Variants in MARCHF8 observed in about 807,000 individuals in gnomAD.
The protein encoded by MARCHF8 is E3 ubiquitin-protein ligase MARCHF8.
A neutral mutation model predicts 51.6 loss-of-function variants in MARCHF8; 40 were observed. The observed-to-expected ratio is 0.77, with a 90% confidence interval of 0.60 to 1.01. The LOEUF (loss-of-function observed/expected upper bound fraction) is 1.01, where lower values mean the gene tolerates loss of function less well. MARCHF8 is among the 50% of genes least tolerant of loss of function. The pLI, the probability that MARCHF8 is intolerant of heterozygous loss-of-function variation, is 0.00. For missense variants in MARCHF8, 685 were observed against 708.6 expected, an observed-to-expected ratio of 0.97 and a Z score of 0.38; for synonymous variants, 263 against 280.3, an observed-to-expected ratio of 0.94 and a Z score of 0.62.
intron 2 of MARCHF8, among the ~76,000 whole-genome samples, chr10:45,525,849 CT>C (rs1459923757): frequency 6.6e-6 from 1 of 152,140 alleles, no homozygotes; most frequent in Non-Finnish European, 1.5e-5. Flanking sequence ...GATCAGTATT[CT>C]TCAAAACTGT....
chr10:45,475,662 A>T (rs1387980596), intron 3 of MARCHF8, among the ~76,000 whole-genome samples: 1 of 152,048 alleles, frequency 6.6e-6, no homozygotes, highest in Non-Finnish European at 1.5e-5. Context: ...TGCTGCTGCC[A>T]TCACCCATAT....
chr10:45,493,373 C>A (rs10793618), intron 2 of MARCHF8, among the ~76,000 whole-genome samples: 238 of 152,182 alleles, frequency 1.6e-3, no homozygotes, highest in African/African-American at 5.3e-3. Context: ...GATACCACCA[C>A]CTTGTGACCC....
At position 45,510,909 on chromosome 10, in the gene MARCHF8, A is replaced by G. The variant is rs530813857; in HGVS notation, c.103-21492T>C. Among the ~76,000 whole-genome samples, 201 of 152,290 alleles carry G rather than the reference A, an allele frequency of 1.3e-3. 1 individual carries two copies. The highest frequency in any genetic ancestry group is 4.4e-3 in the African/African-American group (181 of 41,568). ...CCCCTTTGGTTCCTCTGAGAGTCAA[A>G]TATCTATGGGGAATATGTTGCCCTG... On this transcript the variant is annotated intron_variant, in intron 2 of 7. Coordinates refer to ENST00000453424, the MANE Select transcript of MARCHF8 (RefSeq NM_001282866.2).
chr10:45,592,110 T>TATACAAAGCA (rs1272995934), intron 1 of MARCHF8, among the ~76,000 whole-genome samples: 1 of 152,104 alleles, frequency 6.6e-6, no homozygotes, highest in African/African-American at 2.4e-5. Context: ...ACACCAAATT[T>TATACAAAGCA]TTTGTTGACT....
At chr10:45,583,225 T>C (rs369877986) in intron 1 of MARCHF8, among the ~76,000 whole-genome samples, 5 of 152,158 alleles carry the variant, frequency 3.3e-5, no homozygotes, top group East Asian at 3.9e-4. Context: ...GGATCGGTAA[T>C]AGATAATGTT....
chr10:45,533,825 C>T (rs1333640077), intron 1 of MARCHF8, among the ~76,000 whole-genome samples: 5 of 152,130 alleles, frequency 3.3e-5, no homozygotes, highest in Non-Finnish European at 1.5e-5. Flanking sequence ...ATATTTTAGG[C>T]ACTGTGGTCC....
At chr10:45,521,886 C>A (rs941583491) in intron 2 of MARCHF8, among the ~76,000 whole-genome samples, 1 of 152,128 alleles carries the variant, frequency 6.6e-6, no homozygotes, top group African/African-American at 2.4e-5. Context: ...CTTTTTCTTT[C>A]TCTGATATAC....
At chr10:45,556,645 TA>T (rs2044254570) in intron 1 of MARCHF8, among the ~76,000 whole-genome samples, 1 of 152,234 alleles carries the variant, frequency 6.6e-6, no homozygotes, top group Non-Finnish European at 1.5e-5. Context: ...TGCTTTATGT[TA>T]AAACGGCTTC....
intron 1 of MARCHF8, among the ~76,000 whole-genome samples, chr10:45,541,168 C>A (rs935756943): frequency 6.6e-6 from 1 of 152,100 alleles, no homozygotes; most frequent in African/African-American, 2.4e-5. Context: ...TTGGAACCAA[C>A]CCAAATGTCC....
rs374702700 is a variant in MARCHF8, at chr10:45,516,562, G to A, written c.102+16548C>T. On this transcript the variant is annotated intron_variant, in intron 2 of 7. Coordinates refer to ENST00000453424, the MANE Select transcript of MARCHF8 (RefSeq NM_001282866.2). ...GTGGATCACCTGAGGTCAGGAGTTC[G>A]AGACCAGCCTGGACAATACAGCGAA... is the stretch of plus-strand genomic sequence containing the variant. Among the ~76,000 whole-genome samples, 7 of 152,212 alleles carry A rather than the reference G, an allele frequency of 4.6e-5. No individual in the cohort carries two copies. The East Asian group carries it at 1.4e-3, about 30-fold the overall frequency.
At chr10:45,503,568 T>TAAATAAAA (rs2043322408) in intron 2 of MARCHF8, among the ~76,000 whole-genome samples, 2 of 148,522 alleles carry the variant, frequency 1.3e-5, no homozygotes, top group African/African-American at 2.5e-5. Flanking sequence ...AATAAATAAA[T>TAAATAAAA]AAAATAAAAA....
At chr10:45,520,505 T>C (rs554097468) in intron 2 of MARCHF8, among the ~76,000 whole-genome samples, 3 of 152,268 alleles carry the variant, frequency 2.0e-5, no homozygotes, top group Non-Finnish European at 4.4e-5. Context: ...TGTACAAAGG[T>C]ATGTGTGGTT....
intron 1 of MARCHF8, among the ~76,000 whole-genome samples, chr10:45,560,648 T>C (rs1012048866): frequency 4.0e-5 from 6 of 150,352 alleles, no homozygotes; most frequent in Non-Finnish European, 5.9e-5. Context: ...CACTGTTTCA[T>C]TGGATACCTG....
At chr10:45,480,347 G>A (rs935057209) in intron 3 of MARCHF8, among the ~76,000 whole-genome samples, 2 of 152,170 alleles carry the variant, frequency 1.3e-5, no homozygotes, top group African/African-American at 2.4e-5. Context: ...AATTCAAGCT[G>A]GGTGTGGAAA....
chr10:45,568,491 C>T (rs749831298), intron 1 of MARCHF8, among the ~76,000 whole-genome samples: 16 of 152,056 alleles, frequency 1.1e-4, no homozygotes, highest in Non-Finnish European at 1.3e-4. Flanking sequence ...GAGGCCGAGA[C>T]GGGCAGATCA....
chr10:45,485,955 C>T (rs2042971551), intron 3 of MARCHF8, among the ~76,000 whole-genome samples: 1 of 152,178 alleles, frequency 6.6e-6, no homozygotes, highest in Non-Finnish European at 1.5e-5. Context: ...ACAGCAGGTT[C>T]ATTTAATAAA....
chr10:45,579,184 C>CA (rs141261057), intron 1 of MARCHF8, among the ~76,000 whole-genome samples: 12 of 151,684 alleles, frequency 7.9e-5, no homozygotes, highest in Non-Finnish European at 1.6e-4. Flanking sequence ...AAATGAATCA[C>CA]AAAAAATACA....
chr10:45,485,366 A>T (rs2042961106), intron 3 of MARCHF8, among the ~76,000 whole-genome samples: 1 of 152,238 alleles, frequency 6.6e-6, no homozygotes, highest in Admixed American at 6.5e-5. Context: ...ATCCCTTGGT[A>T]ACAGAGGCTC....
In MARCHF8 at chr10:45,533,368, A is replaced by G. The variant is rs1402455142; in HGVS notation, c.-78-79T>C. On this transcript the variant is annotated intron_variant, in intron 1 of 7. Transcript: ENST00000453424. ...TCCAAGAGTGAGCTTAACATTTTAT[A>G]CTTATATTCATATGTATATTTAAAT... 5 of 849,994 alleles carry G rather than the reference A, an allele frequency of 5.9e-6. No homozygotes were observed. In the African/African-American group the frequency reaches 7.0e-5, roughly 12 times the overall value. The allele number at this position is 849,994 out of a possible 1,614,324, so 52.7% of individuals were successfully genotyped here.
Sources: gnomAD v4.1 joint callset for allele counts (sites outside exome capture counted in the v4.1 genomes callset) on GRCh38, gnomAD v4.1.1 for gene constraint, MANE v1.5 for transcripts, NCBI Gene and HGNC (gene_info 2026-07-23, HGNC 2026-07-21) for gene names.